Variants in METTL21C observed in about 807,000 individuals in gnomAD.
The protein encoded by METTL21C is protein-lysine methyltransferase METTL21C.
Under a neutral mutation model 25.9 loss-of-function variants are expected in METTL21C, and 21 were observed. The observed-to-expected ratio is 0.81, with a 90% CI of 0.58 to 1.17. The LOEUF is 1.17. METTL21C is among the 50% of genes most tolerant of loss of function. METTL21C has a pLI of 0.00. For synonymous variants in METTL21C, 125 were observed against 124.7 expected, an observed-to-expected ratio of 1.00 and a Z score of -0.01; for missense variants, 312 against 315.1, an observed-to-expected ratio of 0.99 and a Z score of 0.07.
upstream of METTL21C, among the ~76,000 whole-genome samples, chr13:102,697,573 C>T (rs1003258231): frequency 1.3e-5 from 2 of 152,014 alleles, no homozygotes; most frequent in Non-Finnish European, 2.9e-5. Flanking sequence ...GAGTTGTTCC[C>T]GCCTCCCCTG....
intron 1 of METTL21C, among the ~76,000 whole-genome samples, chr13:102,691,554 T>C (rs937821200): frequency 7.9e-5 from 12 of 151,872 alleles, no homozygotes; most frequent in Admixed American, 7.9e-4. Context: ...TTCACCATGT[T>C]GGTCAGGCTG....
chr13:102,696,306 T>C (rs1399585869), upstream of METTL21C, among the ~76,000 whole-genome samples: 1 of 151,144 alleles, frequency 6.6e-6, no homozygotes, highest in Non-Finnish European at 1.5e-5. Context: ...TAAGTGGGAG[T>C]CGAACAATGA....
At chr13:102,692,097 TG>T in intron 1 of METTL21C, among the ~76,000 whole-genome samples, 1 of 152,256 alleles carries the variant, frequency 6.6e-6, no homozygotes, top group Admixed American at 6.5e-5. Context: ...CTTTGTGGCC[TG>T]GGATATGACT....
intron 2 of METTL21C, among the ~76,000 whole-genome samples, chr13:102,689,760 T>C (rs1235885737): frequency 6.6e-6 from 1 of 152,234 alleles, no homozygotes; most frequent in Non-Finnish European, 1.5e-5. Flanking sequence ...CAGACTGGCC[T>C]GCGTTCCCAT....
At chr13:102,693,707 A>C (rs997924) in intron 1 of METTL21C, among the ~76,000 whole-genome samples, 6,139 of 152,292 alleles carry the variant, frequency 0.04, 342 homozygotes, top group African/African-American at 0.12. Context: ...TGTGCCTGAA[A>C]TATTTTCATT....
At position 102,686,935 on chromosome 13, in the gene METTL21C, CAAACCT is replaced by C; in HGVS notation, c.399_400+4del. Reference sequence around the variant, plus strand: ...GGATACTAGGTCAGGAATAAACAAACAAACCTAAAATACTGGCCACAATGGAAACAA... The same window carrying C: ...GGATACTAGGTCAGGAATAAACAAACAAAATACTGGCCACAATGGAAACAA... On this transcript the variant is annotated splice_donor_variant and splice_donor_region_variant and coding_sequence_variant and intron_variant, in exon 3 of 4. Coordinates refer to ENST00000267273, the MANE Select transcript of METTL21C (RefSeq NM_001010977.3). LOFTEE classifies it high-confidence loss of function. 2 of 1,609,454 alleles carry C rather than the reference CAAACCT, an allele frequency of 1.2e-6. No homozygotes were observed. Among genetic ancestry groups the C allele is most frequent in the Non-Finnish European group, 1.7e-6 (2 of 1,175,828 alleles).
chr13:102,699,017 C>T (rs766232279), upstream of METTL21C, among the ~76,000 whole-genome samples: 2 of 152,218 alleles, frequency 1.3e-5, no homozygotes, highest in South Asian at 2.1e-4. Context: ...AAAAAGATTC[C>T]GAGTGCTCTT....
At chr13:102,691,507 G>A (rs191626128) in intron 1 of METTL21C, among the ~76,000 whole-genome samples, 18 of 152,178 alleles carry the variant, frequency 1.2e-4, no homozygotes, top group African/African-American at 3.9e-4. Context: ...GCGCCACCAC[G>A]CCCAGCTAAT....
chr13:102,688,012 G>A (rs1167775737), intron 2 of METTL21C, among the ~76,000 whole-genome samples: 2 of 152,208 alleles, frequency 1.3e-5, no homozygotes, highest in African/African-American at 4.8e-5. Context: ...AGAGTTATGA[G>A]AAGAAATGAC....
chr13:102,686,355 T>G lies in METTL21C; in HGVS notation c.471A>C (p.Thr157=). Residue 157 remains threonine, a synonymous_variant, in exon 4 of 4, where the codon ACA becomes ACC. Coordinates refer to ENST00000267273, the MANE Select transcript of METTL21C (RefSeq NM_001010977.3). ...GNLQYNLLKN[T]LQCTAHLPEV... Reference sequence around the variant, plus strand: ...CAGGCAGATGTGCTGTACATTGTAGTGTGTTTTTTAAAAGATTGTATTGAA... The same window carrying G: ...CAGGCAGATGTGCTGTACATTGTAGGGTGTTTTTTAAAAGATTGTATTGAA... The G allele has an allele frequency of 6.2e-7, 1 of 1,614,142 alleles. No individual in the cohort carries two copies.
At chr13:102,701,277 G>T in the METTL21C span, among the ~76,000 whole-genome samples, 1 of 152,002 alleles carries the variant, frequency 6.6e-6, no homozygotes, top group South Asian at 2.1e-4. Context: ...CAAATAAGTG[G>T]CCTAGATGCG....
rs1240071769 is a variant in METTL21C at position 102,690,846 on chromosome 13, G to A, written c.249C>T (p.Ser83=). ...ACACCACCGCTCCGTAACTCTCTATGGATTCCTGGATGACAATCTCCTTTC... is the reference window on the plus strand; with the variant it reads ...ACACCACCGCTCCGTAACTCTCTATAGATTCCTGGATGACAATCTCCTTTC... The part of the protein sequence containing the change: ...FAGKEIVIQE[S]IESYGAVVWP... The change falls in exon 2 of 4, where the codon TCC becomes TCT. Residue 83 remains serine, a synonymous_variant. Coordinates refer to ENST00000267273, the MANE Select transcript of METTL21C (RefSeq NM_001010977.3). The A allele has an allele frequency of 1.2e-6, 2 of 1,614,096 alleles. No individual in the cohort carries two copies. Among genetic ancestry groups the A allele is most frequent in the South Asian group, 1.1e-5 (1 of 91,066 alleles).
intron 1 of METTL21C, among the ~76,000 whole-genome samples, chr13:102,691,244 G>T (rs765932912): frequency 6.7e-6 from 1 of 149,536 alleles, no homozygotes; most frequent in African/African-American, 2.5e-5. Flanking sequence ...TGTGTGGATC[G>T]GTCCCCACCC....
intron 2 of METTL21C, among the ~76,000 whole-genome samples, chr13:102,688,837 A>G (rs767792459): frequency 3.4e-5 from 5 of 147,206 alleles, no homozygotes; most frequent in South Asian, 4.5e-4. Flanking sequence ...TTTCTCAGGG[A>G]CAGCTGTGTC....
chr13:102,694,894 T>TCACACACA lies in METTL21C; in HGVS notation c.-397_-396insTGTGTGTG, dbSNP rs1346890971. Among the ~76,000 whole-genome samples the TCACACACA allele has an allele frequency of 2.8e-5, 4 of 142,486 alleles. No homozygotes were observed. Among genetic ancestry groups the TCACACACA allele is most frequent in the African/African-American group, 7.9e-5 (3 of 37,784 alleles). The allele number at this position is 142,486 out of a possible 152,430, so 93.5% of individuals were successfully genotyped here. A position where few individuals can be genotyped will look rare whatever the true frequency, so the allele number is the denominator to read the frequency against. On this transcript the variant is annotated 5_prime_UTR_variant, in exon 1 of 4. Coordinates refer to ENST00000267273, the MANE Select transcript of METTL21C (RefSeq NM_001010977.3). The stretch of plus-strand genomic sequence containing the variant: ...CTCTTTCTCTCTCTCTCTCTCTCTC[T>TCACACACA]CTCTCTCACACACACACACACACAC...
At chr13:102,687,705 CA>C (rs1219495414) in intron 2 of METTL21C, among the ~76,000 whole-genome samples, 1 of 152,192 alleles carries the variant, frequency 6.6e-6, no homozygotes, top group Non-Finnish European at 1.5e-5. Flanking sequence ...GAGTGGGGCT[CA>C]AGATCCTGCA....
intron 2 of METTL21C, among the ~76,000 whole-genome samples, chr13:102,689,674 C>A (rs1238486281): frequency 1.3e-5 from 2 of 152,212 alleles, no homozygotes; most frequent in Non-Finnish European, 2.9e-5. Flanking sequence ...GTGGGAAAAG[C>A]AACCACACTG....
intron 2 of METTL21C, among the ~76,000 whole-genome samples, chr13:102,688,773 T>A (rs938627952): frequency 6.6e-6 from 1 of 152,192 alleles, no homozygotes; most frequent in African/African-American, 2.4e-5. Context: ...GGGTCCTTCC[T>A]GGTGCCCTGC....
chr13:102,699,413 C>G (rs2138897133), upstream of METTL21C, among the ~76,000 whole-genome samples: 1 of 152,276 alleles, frequency 6.6e-6, no homozygotes, highest in South Asian at 2.1e-4. Context: ...TTGGCTGTTT[C>G]ACCACAGCTC....
Sources: allele counts gnomAD v4.1 joint callset (sites outside exome capture counted in the v4.1 genomes callset), GRCh38; gene constraint gnomAD v4.1.1; transcripts MANE v1.5; gene names NCBI Gene and HGNC (gene_info 2026-07-23, HGNC 2026-07-21).